ANK3: variants seen among roughly 807,000 people sequenced by gnomAD.
ANK3 encodes the protein ankyrin 3.
A neutral mutation model predicts 370.9 loss-of-function variants in ANK3; 57 were observed. The observed-to-expected ratio is 0.15, with a 90% CI of 0.12 to 0.19. The LOEUF is 0.19. ANK3 is among the 10% of genes least tolerant of loss of function. The pLI, the probability that ANK3 is intolerant of heterozygous loss-of-function variation, is 1.00. For synonymous variants in ANK3, 1,929 were observed against 1,946.3 expected (o/e 0.99, Z 0.23); for missense variants, 4,439 against 5,302.1 (o/e 0.84, Z 5.06).
chr10:60,217,253 T>C (rs903555271), intron 8 of ANK3, among the ~76,000 whole-genome samples: 2 of 152,020 alleles, frequency 1.3e-5, no homozygotes, highest in East Asian at 3.9e-4. Context: ...TTTTCACGTC[T>C]TTATCTCCTT....
Position 60,658,016 on chromosome 10 carries a change from C to CTT in ANK3, c.58-42794_58-42793dup, listed in dbSNP as rs34249629. 1.5e-3 allele frequency among the ~76,000 whole-genome samples: 210 copies of CTT among 141,370 alleles called. 1 individual carries two copies. Among genetic ancestry groups the CTT allele is most frequent in the African/African-American group, 3.8e-3 (148 of 38,524 alleles). 92.7% of individuals were successfully genotyped at this position (141,370 alleles called of 152,430 possible). On this transcript the variant is annotated intron_variant, in intron 1 of 43. Coordinates refer to the ANK3 transcript ENST00000373827. The stretch of plus-strand genomic sequence containing the variant: ...ATCTTGAAGTCTATAGCCATTCCAA[C>CTT]TTTTTTTTTTTTTTGCTGTTTCCAT...
At chr10:60,259,520 G>T (rs544857682) in intron 7 of ANK3, among the ~76,000 whole-genome samples, 29 of 152,332 alleles carry the variant, frequency 1.9e-4, no homozygotes, top group African/African-American at 6.7e-4. Flanking sequence ...GGTTAACAAC[G>T]TGGGTCTGAT....
intron 42 of ANK3, among the ~76,000 whole-genome samples, chr10:60,052,740 C>G (rs1435631501): frequency 6.6e-6 from 1 of 151,902 alleles, no homozygotes; most frequent in Non-Finnish European, 1.5e-5. Context: ...AATTCTGGTA[C>G]TTTATCTTTG....
chr10:60,188,390 G>T (rs543676148), intron 16 of ANK3, among the ~76,000 whole-genome samples: 85 of 152,280 alleles, frequency 5.6e-4, no homozygotes, highest in African/African-American at 2.0e-3. Context: ...ATAAACCTGA[G>T]TATGTAAAAT....
chr10:60,435,224 G>A (rs935203755), intron 2 of ANK3, among the ~76,000 whole-genome samples: 2 of 152,098 alleles, frequency 1.3e-5, no homozygotes, highest in African/African-American at 2.4e-5. Flanking sequence ...TCATTGGAAT[G>A]TATATTTTTG....
At chr10:60,067,283 T>C (rs2081848898) in intron 38 of ANK3, among the ~76,000 whole-genome samples, 1 of 152,232 alleles carries the variant, frequency 6.6e-6, no homozygotes, top group African/African-American at 2.4e-5. Flanking sequence ...AATTTTTAAT[T>C]CAAAATTTAA....
At chr10:60,318,924 C>T (rs187537168) in intron 1 of ANK3, among the ~76,000 whole-genome samples, 6 of 152,218 alleles carry the variant, frequency 3.9e-5, no homozygotes, top group South Asian at 2.1e-4. Flanking sequence ...CCCAAGTGCC[C>T]GGTGGCATTT....
intron 23 of ANK3, among the ~76,000 whole-genome samples, chr10:60,152,409 C>T (rs1285862403): frequency 1.3e-5 from 2 of 152,054 alleles, no homozygotes; most frequent in Non-Finnish European, 2.9e-5. Flanking sequence ...AAAATATTTA[C>T]CACTGGCTCT....
chr10:60,659,997 T>C (rs941690422), intron 1 of ANK3, among the ~76,000 whole-genome samples: 5 of 152,094 alleles, frequency 3.3e-5, no homozygotes, highest in African/African-American at 1.2e-4. Context: ...ATATTAGAGA[T>C]TGATTTTCCT....
In ANK3 at chr10:60,208,244, TA is replaced by T; in HGVS notation, c.997-12del. On this transcript the variant is annotated splice_polypyrimidine_tract_variant and intron_variant, in intron 9 of 43. Coordinates refer to ENST00000280772, the MANE Select transcript of ANK3 (RefSeq NM_020987.5). ...TGGAGATAATCCATTCTGGAACACA[TA>T]AAGAAATCAGAGTTCATTCTTTTAC... 6.2e-7 allele frequency: 1 copy of T among 1,612,356 alleles called. No individual in the cohort carries two copies. The highest frequency in any genetic ancestry group is 8.5e-7 in the Non-Finnish European group (1 of 1,178,432).
At chr10:60,602,390 C>G (rs150127384) in intron 2 of ANK3, among the ~76,000 whole-genome samples, 190 of 152,220 alleles carry the variant, frequency 1.2e-3, no homozygotes, top group Non-Finnish European at 2.2e-3. Flanking sequence ...CTATTGATAA[C>G]TAGGCCACAT....
intron 1 of ANK3, among the ~76,000 whole-genome samples, chr10:60,331,548 CT>C (rs1346848800): frequency 6.6e-6 from 1 of 150,440 alleles, no homozygotes; most frequent in African/African-American, 2.4e-5. Flanking sequence ...GGAAACCCCC[CT>C]GTGAAGTTAA....
At chr10:60,609,448 C>T (rs533557811) in intron 2 of ANK3, among the ~76,000 whole-genome samples, 80 of 152,186 alleles carry the variant, frequency 5.3e-4, no homozygotes, top group African/African-American at 1.9e-3. Flanking sequence ...ACCTTAGAAT[C>T]CCAGGGTGCG....
At chr10:60,546,315 C>T (rs141318823) in intron 2 of ANK3, among the ~76,000 whole-genome samples, 325 of 152,252 alleles carry the variant, frequency 2.1e-3, no homozygotes, top group African/African-American at 7.6e-3. Flanking sequence ...AAATTATAGG[C>T]GTGAGCCATG....
At chr10:60,259,567 T>G (rs937166327) in intron 7 of ANK3, among the ~76,000 whole-genome samples, 73 of 152,364 alleles carry the variant, frequency 4.8e-4, no homozygotes, top group African/African-American at 1.7e-3. Context: ...TAAGCATCTT[T>G]TGTCATTACC....
At chr10:60,625,260 G>GCA (rs1045110943) in intron 1 of ANK3, among the ~76,000 whole-genome samples, 1 of 152,102 alleles carries the variant, frequency 6.6e-6, no homozygotes, top group Non-Finnish European at 1.5e-5. Flanking sequence ...TTAGATGGCT[G>GCA]CACACACACA....
In ANK3 at chr10:60,587,243, C is replaced by T. The variant is rs1348883388; in HGVS notation, c.96+27943G>A. Among the ~76,000 whole-genome samples the T allele has an allele frequency of 2.0e-5, 3 of 152,110 alleles. 1 individual carries two copies. The highest frequency in any genetic ancestry group is 4.1e-4 in the South Asian group (2 of 4,826). ...CTGCCCCCATGGTCCAATCACCTCC[C>T]GCCAGGTTTCTCCCTAAACACCTGG... On this transcript the variant is annotated intron_variant, in intron 2 of 43. Transcript: ENST00000373827.
At chr10:60,077,605 C>A (rs140817585) in intron 36 of ANK3, among the ~76,000 whole-genome samples, 1 of 152,320 alleles carries the variant, frequency 6.6e-6, no homozygotes, top group African/African-American at 2.4e-5. Flanking sequence ...ACGTCCATGT[C>A]TGCAACTCTT....
At chr10:60,176,565 C>A (rs1228617678) in intron 18 of ANK3, among the ~76,000 whole-genome samples, 3 of 152,024 alleles carry the variant, frequency 2.0e-5, no homozygotes, top group African/African-American at 7.2e-5. Flanking sequence ...AGCTCGAGAT[C>A]AGCCTGCCCA....
Sources: gnomAD v4.1 joint callset for allele counts (sites outside exome capture counted in the v4.1 genomes callset) on GRCh38, gnomAD v4.1.1 for gene constraint, MANE v1.5 for transcripts, NCBI Gene and HGNC (gene_info 2026-07-23, HGNC 2026-07-21) for gene names.